The following HERC2 variants were observed in gnomAD, a reference collection of about 807,000 sequenced individuals.
The protein encoded by HERC2 is HECT and RLD domain containing E3 ubiquitin protein ligase 2, also known as E3 ubiquitin-protein ligase HERC2.
In HERC2, 102 loss-of-function variants were observed where a neutral mutation model predicts 537.7. That is an observed-to-expected ratio of 0.19 (90% CI 0.16 to 0.22). The LOEUF is 0.22. Among genes scored for constraint, HERC2 ranks in the 10% least tolerant of loss-of-function variants. The probability of loss-of-function intolerance (pLI) is 1.00; values close to 1 mark genes in which losing one functional copy is unlikely to be tolerated. For missense variants in HERC2, 4,236 were observed against 6,198.2 expected, an observed-to-expected ratio of 0.68 and a Z score of 10.63; for synonymous variants, 2,224 against 2,466.2, an observed-to-expected ratio of 0.90 and a Z score of 2.91.
At chr15:28,273,195 T>A in intron 7 of HERC2, 191 bp from the exon 8 acceptor site, 1 of 609,716 alleles carries the variant, frequency 1.6e-6, no homozygotes, top group Non-Finnish European at 2.9e-6. Flanking sequence ...CTTACACAAC[T>A]ATATTTTATT....
intron 4 of HERC2, among the ~76,000 whole-genome samples, chr15:28,282,225 A>G (rs1229651235): frequency 6.6e-6 from 1 of 152,166 alleles, no homozygotes; most frequent in Non-Finnish European, 1.5e-5. Context: ...GAAAGATTTA[A>G]CCACTTACAC....
rs563823025 is a variant in HERC2 at position 28,229,765 on chromosome 15, G to A, written c.4892C>T (p.Pro1631Leu). The A allele has an allele frequency of 1.3e-5, 20 of 1,489,086 alleles. No individual in the cohort carries two copies. The East Asian group carries it at 2.5e-4, about 18-fold the overall frequency. 92.2% of individuals were successfully genotyped at this position (1,489,086 alleles called of 1,614,324 possible). A position where few individuals can be genotyped will look rare whatever the true frequency, so the allele number is the denominator to read the frequency against. ...AATTGTACTGAGGAGTGGAGACTGCGGATAAAGACCCTGCACATTCTGCTT... is the reference window on the plus strand; with the variant it reads ...AATTGTACTGAGGAGTGGAGACTGCAGATAAAGACCCTGCACATTCTGCTT... Reference protein sequence around the residue: ...WLKQNVQGLYPQSPLLSTIAE... With the variant: ...WLKQNVQGLYLQSPLLSTIAE... Residue 1631 changes from proline (P) to leucine (L), a missense_variant, in exon 32 of 93, where the codon CCG becomes CTG. Physicochemically the swap from Pro to Leu is moderately conservative, Grantham distance 98 (BLOSUM62 -3). Transcript: ENST00000261609.
intron 69 of HERC2, among the ~76,000 whole-genome samples, chr15:28,162,786 A>T (rs926486440): frequency 6.6e-6 from 1 of 152,054 alleles, no homozygotes; most frequent in African/African-American, 2.4e-5. Flanking sequence ...AGCTACTTGG[A>T]AGGCTGAGGC....
intron 7 of HERC2, among the ~76,000 whole-genome samples, chr15:28,274,026 C>T (rs938908997): frequency 1.3e-5 from 2 of 152,204 alleles, no homozygotes; most frequent in African/African-American, 2.4e-5. Flanking sequence ...CAAACCTCTA[C>T]GAATGACTGA....
chr15:28,226,681 C>T (rs1901210473), intron 35 of HERC2, among the ~76,000 whole-genome samples: 1 of 151,892 alleles, frequency 6.6e-6, no homozygotes, highest in African/African-American at 2.4e-5. Flanking sequence ...CTTCATCAAC[C>T]TTGTATTTGG....
In HERC2 at chr15:28,256,115, G is replaced by A. The variant is rs1203932051; in HGVS notation, c.2720C>T (p.Ala907Val). 7 of 1,602,382 alleles carry A rather than the reference G, an allele frequency of 4.4e-6. No homozygotes were observed. The highest frequency in any genetic ancestry group is 5.9e-6 in the Non-Finnish European group (7 of 1,179,380). ...LLPTAEERAR[A>V]LSALLPCAVS... Reference sequence around the variant, plus strand: ...TGCGCAGGGCAGGAGAGCAGAGAGTGCCCGGGCCCGCTCCTCCGCGGTGGG... The same window carrying A: ...TGCGCAGGGCAGGAGAGCAGAGAGTACCCGGGCCCGCTCCTCCGCGGTGGG... The change falls in exon 18 of 93, where the codon GCA becomes GTA. Residue 907 changes from alanine to valine, a missense_variant. Ala to Val is a moderately conservative substitution (Grantham distance 64). Coordinates refer to ENST00000261609, the MANE Select transcript of HERC2 (RefSeq NM_004667.6).
intron 2 of HERC2, 130 bp downstream of exon 2, chr15:28,321,232 A>T: frequency 1.6e-6 from 1 of 645,090 alleles, no homozygotes; most frequent in African/African-American, 1.8e-5. Context: ...AGTTACAGGA[A>T]ATAAACCTGC....
intron 89 of HERC2, 33 bp downstream of exon 89, chr15:28,115,396 C>A: frequency 1.3e-6 from 2 of 1,490,312 alleles, no homozygotes; most frequent in African/African-American, 1.4e-5. Flanking sequence ...TAACAAGACC[C>A]TAGAGGCCCC....
chr15:28,280,630 C>A (rs2075997456), intron 4 of HERC2, among the ~76,000 whole-genome samples: 1 of 152,142 alleles, frequency 6.6e-6, no homozygotes, highest in Non-Finnish European at 1.5e-5. Context: ...GTTGGCCGGG[C>A]ACAGTGGCTC....
chr15:28,225,281 A>C (rs1479132218), intron 35 of HERC2, among the ~76,000 whole-genome samples: 5 of 152,156 alleles, frequency 3.3e-5, no homozygotes, highest in Admixed American at 1.3e-4. Context: ...AAAAATACAA[A>C]GCAGAAAGAA....
intron 56 of HERC2, among the ~76,000 whole-genome samples, chr15:28,184,299 TGTAA>T (rs1896097832): frequency 6.6e-6 from 1 of 152,184 alleles, no homozygotes. Context: ...TCTGGCACCA[TGTAA>T]GTATCAATCA....
In HERC2 at chr15:28,176,357, G is replaced by C; in HGVS notation, c.9686+71C>G. 2 of 1,461,206 alleles carry C rather than the reference G, an allele frequency of 1.4e-6. No homozygotes were observed. Among genetic ancestry groups the C allele is most frequent in the South Asian group, 2.4e-5 (2 of 83,940 alleles). 90.5% of individuals were successfully genotyped at this position (1,461,206 alleles called of 1,614,324 possible). ...GTCACAATCACGCCGGGTGAGCCTG[G>C]GGCGAGGCCCAGGTTCCCTGCACAC... is the stretch of plus-strand genomic sequence containing the variant. On this transcript the variant is annotated intron_variant, in intron 63 of 92. Transcript: ENST00000261609. The surrounding 1 kb of genome is among the most constrained non-coding windows in gnomAD (Gnocchi z 5.0).
rs1434875359 is a variant in HERC2, at chr15:28,213,854, T to C, written c.6674A>G (p.His2225Arg). ...CACAGTGCCTTCTCCAAACTCATCG[T>C]GCATAACTTGACCGCCCAGGCGCAG... is the stretch of plus-strand genomic sequence containing the variant. Reference protein sequence around the residue: ...GRLRLGGQVMHDEFGEGTVTR... With the variant: ...GRLRLGGQVMRDEFGEGTVTR... Residue 2225 changes from histidine to arginine, a missense_variant, in exon 42 of 93, where the codon CAC (histidine) becomes CGC (arginine). His to Arg is a conservative substitution (Grantham distance 29). Coordinates refer to ENST00000261609, the MANE Select transcript of HERC2 (RefSeq NM_004667.6). 3 of 1,613,960 alleles carry C rather than the reference T, an allele frequency of 1.9e-6. No individual in the cohort carries two copies. Among genetic ancestry groups the C allele is most frequent in the South Asian group, 1.1e-5 (1 of 91,080 alleles).
At chr15:28,168,640 C>A in intron 66 of HERC2, 50 bp from the exon 67 acceptor site, 4 of 1,551,480 alleles carry the variant, frequency 2.6e-6, no homozygotes, top group Non-Finnish European at 3.5e-6. Flanking sequence ...TTCTCCACTG[C>A]AGCACAGGAA....
chr15:28,220,378 A>G, intron 37 of HERC2, 74 bp downstream of exon 37: 1 of 1,337,230 alleles, frequency 7.5e-7, no homozygotes, highest in Non-Finnish European at 1.1e-6. Context: ...TAAGGCCCAG[A>G]TGACAGTGGT....
Position 28,292,881 on chromosome 15 carries a change from A to C in HERC2, c.322+7T>G. Reference sequence around the variant, plus strand: ...CCTTTCCAAAGTGCCAAAATTCACAAGATTACCTGGTTGCTTGCCCCATAC... The same window carrying C: ...CCTTTCCAAAGTGCCAAAATTCACACGATTACCTGGTTGCTTGCCCCATAC... On this transcript the variant is annotated splice_region_variant and intron_variant, in intron 4 of 92. Coordinates refer to ENST00000261609, the MANE Select transcript of HERC2 (RefSeq NM_004667.6). 6.2e-7 allele frequency: 1 copy of C among 1,609,264 alleles called. No individual in the cohort carries two copies. Among genetic ancestry groups the C allele is most frequent in the Middle Eastern group, 2.3e-4 (1 of 4,428 alleles).
At chr15:28,274,551 C>T in intron 6 of HERC2, 104 bp from the exon 7 acceptor site, 2 of 1,325,642 alleles carry the variant, frequency 1.5e-6, no homozygotes, top group Admixed American at 2.4e-5. Flanking sequence ...CTTTCCAATC[C>T]CTCACTCAAC....
At chr15:28,197,665 T>C (rs536049796) in intron 50 of HERC2, among the ~76,000 whole-genome samples, 7 of 152,254 alleles carry the variant, frequency 4.6e-5, no homozygotes, top group African/African-American at 1.7e-4. Context: ...GACTGGAGAA[T>C]TCCTTAAACC....
chr15:28,130,891 G>A (rs566964289), intron 81 of HERC2, among the ~76,000 whole-genome samples: 10 of 152,226 alleles, frequency 6.6e-5, no homozygotes, highest in East Asian at 3.9e-4. Context: ...ATGGCCTCCC[G>A]CAACCATGCT....
Sources: allele counts gnomAD v4.1 joint callset (sites outside exome capture counted in the v4.1 genomes callset), GRCh38; gene constraint gnomAD v4.1.1; non-coding constraint Gnocchi (gnomAD v3.1); transcripts MANE v1.5; gene names NCBI Gene and HGNC (gene_info 2026-07-23, HGNC 2026-07-21).